SLC25A48: variants seen among roughly 807,000 people sequenced by gnomAD.
The protein encoded by SLC25A48 is CTC-321K16.1.
Under a neutral mutation model 32.2 loss-of-function variants are expected in SLC25A48, and 29 were observed. The ratio of observed to expected loss-of-function variants is 0.90; its 90% CI spans 0.67 to 1.23. SLC25A48 has a LOEUF of 1.23. Ranked by LOEUF, SLC25A48 falls within the 50% of genes most tolerant of loss-of-function variation. The pLI is 0.00. For missense variants in SLC25A48, 399 were observed against 422.7 expected (o/e 0.94, Z 0.49); for synonymous variants, 164 against 172.3 (o/e 0.95, Z 0.38).
intron 1 of SLC25A48, among the ~76,000 whole-genome samples, chr5:135,588,226 G>C (rs934023002): frequency 6.6e-6 from 1 of 152,202 alleles, no homozygotes; most frequent in African/African-American, 2.4e-5. Flanking sequence ...AACATTTGGG[G>C]GCAGTTCTTT....
chr5:135,818,107 CTCTCTCTCTCT>C (rs1757784686), intron 4 of SLC25A48, among the ~76,000 whole-genome samples: 4 of 118,278 alleles, frequency 3.4e-5, no homozygotes, highest in Admixed American at 2.6e-4. Context: ...CTCTCTCTCT[CTCTCTCTCTCT>C]CCCTCTGTTT....
chr5:135,718,602 A>G (rs1754873326), intron 3 of SLC25A48, among the ~76,000 whole-genome samples: 1 of 152,228 alleles, frequency 6.6e-6, no homozygotes, highest in Non-Finnish European at 1.5e-5. Context: ...TATTATTATG[A>G]TGATTCTAAT....
At chr5:135,886,669 TGTGTGAGAGAGAGAGA>T (rs1561567925) in intron 7 of SLC25A48, among the ~76,000 whole-genome samples, 1 of 81,288 alleles carries the variant, frequency 1.2e-5, no homozygotes, top group African/African-American at 6.8e-5. Context: ...TGTGTGTGTG[TGTGTGAGAGAGAGAGA>T]GAGAGAGAGA....
intron 3 of SLC25A48, among the ~76,000 whole-genome samples, chr5:135,733,013 C>A (rs529470288): frequency 2.0e-5 from 3 of 152,008 alleles, no homozygotes; most frequent in Non-Finnish European, 4.4e-5. Context: ...GATGGAGGAC[C>A]CATGCATAGT....
chr5:135,829,822 T>C (rs1399903401), upstream of SLC25A48, among the ~76,000 whole-genome samples: 1 of 152,044 alleles, frequency 6.6e-6, no homozygotes, highest in Non-Finnish European at 1.5e-5. Context: ...CATCCTCCAC[T>C]GACTGCTGTG....
chr5:135,871,706 G>A lies in SLC25A48; in HGVS notation c.667G>A (p.Gly223Ser), dbSNP rs745392537. The change falls in exon 5 of 8, where the codon GGC becomes AGC. Residue 223 changes from glycine to serine, a missense_variant. Physicochemically the swap from Gly to Ser is moderately conservative, Grantham distance 56 (BLOSUM62 0). Coordinates refer to ENST00000681962, the MANE Select transcript of SLC25A48 (RefSeq NM_001349336.2). ...CAGCCCCTGTGCCGTGTGGCTGGCGGGCGGCATGGCAGGTAAGGGCAGCAG... is the reference window on the plus strand; with the variant it reads ...CAGCCCCTGTGCCGTGTGGCTGGCGAGCGGCATGGCAGGTAAGGGCAGCAG... Reference protein sequence around the residue: ...GPSPCAVWLAGGMAGAISWGT... With the variant: ...GPSPCAVWLASGMAGAISWGT... 6.2e-7 allele frequency: 1 copy of A among 1,613,616 alleles called. No homozygotes were observed. Among genetic ancestry groups the A allele is most frequent in the Admixed American group, 1.7e-5 (1 of 59,994 alleles).
intron 3 of SLC25A48, among the ~76,000 whole-genome samples, chr5:135,770,093 A>G (rs1292404909): frequency 2.1e-5 from 3 of 145,098 alleles, no homozygotes. Context: ...GCCGGGGGGG[A>G]GACAATGATA....
chr5:135,878,047 C>T (rs1762182724), intron 6 of SLC25A48, among the ~76,000 whole-genome samples: 1 of 152,152 alleles, frequency 6.6e-6, no homozygotes, highest in Admixed American at 6.5e-5. Flanking sequence ...CATAGGGAGA[C>T]ATTGAGGCTT....
intron 3 of SLC25A48, among the ~76,000 whole-genome samples, chr5:135,748,516 C>T (rs553874292): frequency 4.9e-4 from 74 of 152,186 alleles, no homozygotes; most frequent in Middle Eastern, 6.8e-3. Flanking sequence ...TCAGTTGATC[C>T]GCCTGCCTTG....
chr5:135,823,463 T>G (rs1330790139), intron 4 of SLC25A48, among the ~76,000 whole-genome samples: 8 of 152,218 alleles, frequency 5.3e-5, no homozygotes, highest in Admixed American at 5.2e-4. Flanking sequence ...AAGACTTCGT[T>G]CCTGGCCAAG....
Position 135,717,712 on chromosome 5 carries a change from G to A in SLC25A48, c.-521+82756G>A, listed in dbSNP as rs139785259. On this transcript the variant is annotated intron_variant, in intron 3 of 10. Coordinates refer to the SLC25A48 transcript ENST00000646290. ...CCAAGGCTGCTGGGAGCCATCAGAA[G>A]TGGGATGAGAAAAGGGAGGGCTCTT... 2.4e-3 allele frequency among the ~76,000 whole-genome samples: 360 copies of A among 152,320 alleles called. 2 individuals are homozygous for A. The highest frequency in any genetic ancestry group is 8.4e-3 in the African/African-American group (350 of 41,578).
chr5:135,856,254 A>G (rs1274073774), intron 4 of SLC25A48, among the ~76,000 whole-genome samples: 1 of 152,150 alleles, frequency 6.6e-6, no homozygotes, highest in Non-Finnish European at 1.5e-5. Context: ...AATGGAAGAA[A>G]TGGACCCAGA....
chr5:135,698,626 T>A (rs1754321045), intron 3 of SLC25A48, among the ~76,000 whole-genome samples: 1 of 152,194 alleles, frequency 6.6e-6, no homozygotes, highest in South Asian at 2.1e-4. Context: ...AATATCTTTA[T>A]AATCTTGGGG....
At chr5:135,814,432 A>G (rs1228345311) in intron 4 of SLC25A48, among the ~76,000 whole-genome samples, 1 of 152,170 alleles carries the variant, frequency 6.6e-6, no homozygotes, top group Non-Finnish European at 1.5e-5. Context: ...GTGTCCCAGG[A>G]CAGTAGGAAT....
chr5:135,595,496 T>G (rs1169674390), intron 1 of SLC25A48, among the ~76,000 whole-genome samples: 1 of 152,202 alleles, frequency 6.6e-6, no homozygotes, highest in Non-Finnish European at 1.5e-5. Flanking sequence ...GAACTCCCCC[T>G]TGGCAAGTTA....
intron 2 of SLC25A48, among the ~76,000 whole-genome samples, chr5:135,847,675 G>C (rs1759532384): frequency 6.6e-6 from 1 of 152,158 alleles, no homozygotes; most frequent in South Asian, 2.1e-4. Context: ...GACAACAGAA[G>C]CAGGGAGAGA....
Position 135,888,523 on chromosome 5 carries a change from G to C in SLC25A48, c.*499G>C, listed in dbSNP as rs770273680. 1 of 165,496 alleles carries C rather than the reference G, an allele frequency of 6.0e-6. No homozygotes were observed. Among genetic ancestry groups the C allele is most frequent in the Non-Finnish European group, 1.3e-5 (1 of 76,204 alleles). 10.3% of individuals were successfully genotyped at this position (165,496 alleles called of 1,614,324 possible). On this transcript the variant is annotated 3_prime_UTR_variant, in exon 8 of 8. Coordinates refer to ENST00000681962, the MANE Select transcript of SLC25A48 (RefSeq NM_001349336.2). Reference sequence around the variant, plus strand: ...GGACAGCGGTAGCGCCTTCCTCACCGCACGCTGAGTCCAGTGCGTGCTCCT... The same window carrying C: ...GGACAGCGGTAGCGCCTTCCTCACCCCACGCTGAGTCCAGTGCGTGCTCCT...
chr5:135,704,184 C>G (rs970554659), intron 3 of SLC25A48, among the ~76,000 whole-genome samples: 1 of 152,150 alleles, frequency 6.6e-6, no homozygotes, highest in Admixed American at 6.5e-5. Context: ...TGGAGGATGT[C>G]GGGACCAGGA....
intron 3 of SLC25A48, among the ~76,000 whole-genome samples, chr5:135,771,844 T>G (rs1380093690): frequency 2.0e-5 from 3 of 151,258 alleles, no homozygotes; most frequent in Non-Finnish European, 4.4e-5. Context: ...TCTCAATATC[T>G]CAGGGGTTGT....
Sources: allele counts gnomAD v4.1 joint callset (sites outside exome capture counted in the v4.1 genomes callset), GRCh38; gene constraint gnomAD v4.1.1; transcripts MANE v1.5; gene names NCBI Gene and HGNC (gene_info 2026-07-23, HGNC 2026-07-21).